The following ARSB variants were observed in gnomAD, a reference collection of about 807,000 sequenced individuals.
ARSB encodes the protein arylsulfatase B.
Under a neutral mutation model 50.9 loss-of-function variants are expected in ARSB, and 41 were observed. The ratio of observed to expected loss-of-function variants is 0.81; its 90% CI spans 0.63 to 1.04. The LOEUF is 1.04. Among genes scored for constraint, ARSB ranks in the 50% least tolerant of loss-of-function variants. The probability of loss-of-function intolerance (pLI) is 0.00; values close to 1 mark genes in which losing one functional copy is unlikely to be tolerated. For missense variants in ARSB, 672 were observed against 693.3 expected (o/e 0.97, Z 0.35); for synonymous variants, 269 against 284.8 (o/e 0.94, Z 0.56).
At chr5:78,905,008 T>C (rs938731772) in intron 4 of ARSB, among the ~76,000 whole-genome samples, 1 of 152,208 alleles carries the variant, frequency 6.6e-6, no homozygotes, top group Non-Finnish European at 1.5e-5. Context: ...ATAATTTCTA[T>C]TGATCTATCT....
At chr5:78,880,840 G>A (rs937395112) in intron 5 of ARSB, among the ~76,000 whole-genome samples, 3 of 152,034 alleles carry the variant, frequency 2.0e-5, no homozygotes, top group South Asian at 4.2e-4. Flanking sequence ...AGTTTTCATC[G>A]GTCTTAAAGA....
At position 78,847,034 on chromosome 5, in the gene ARSB, T is replaced by C. The variant is rs1745476913; in HGVS notation, c.1143-7608A>G. 1.3e-5 allele frequency among the ~76,000 whole-genome samples: 2 copies of C among 152,220 alleles called. 1 individual carries two copies. Among genetic ancestry groups the C allele is most frequent in the South Asian group, 4.1e-4 (2 of 4,830 alleles). On this transcript the variant is annotated intron_variant, in intron 5 of 7. Coordinates refer to ENST00000264914, the MANE Select transcript of ARSB (RefSeq NM_000046.5). Reference sequence around the variant, plus strand: ...ATGTGGTTTTTATACTTCATTCTGTTGATGTAATGTGTCATGTTTATGGAT... The same window carrying C: ...ATGTGGTTTTTATACTTCATTCTGTCGATGTAATGTGTCATGTTTATGGAT...
chr5:78,812,752 G>A (rs1426354354), intron 6 of ARSB, among the ~76,000 whole-genome samples: 2 of 152,098 alleles, frequency 1.3e-5, no homozygotes, highest in Non-Finnish European at 2.9e-5. Context: ...CAGCACTTTG[G>A]GAGGCTGAGG....
chr5:78,900,470 A>G (rs561065572), intron 4 of ARSB, among the ~76,000 whole-genome samples: 2 of 152,192 alleles, frequency 1.3e-5, no homozygotes, highest in East Asian at 1.9e-4. Context: ...GAATTGAGGG[A>G]GATTTTCCAC....
At chr5:78,793,606 G>C (rs1344477019) in intron 6 of ARSB, among the ~76,000 whole-genome samples, 1 of 152,194 alleles carries the variant, frequency 6.6e-6, no homozygotes, top group Non-Finnish European at 1.5e-5. Context: ...GCTGAGAAGT[G>C]TCTTGATCCT....
intron 1 of ARSB, among the ~76,000 whole-genome samples, chr5:78,971,105 G>A (rs1330884523): frequency 6.6e-6 from 1 of 152,208 alleles, no homozygotes; most frequent in Non-Finnish European, 1.5e-5. Flanking sequence ...CAAAGGCCCT[G>A]AGACCTGAGC....
chr5:78,832,447 T>C (rs148839048), intron 6 of ARSB, among the ~76,000 whole-genome samples: 157 of 152,290 alleles, frequency 1.0e-3, no homozygotes, highest in African/African-American at 3.5e-3. Context: ...ATCTCGAGTA[T>C]TTATAACAGT....
At chr5:78,867,089 C>G (rs985079276) in intron 5 of ARSB, among the ~76,000 whole-genome samples, 1 of 152,140 alleles carries the variant, frequency 6.6e-6, no homozygotes, top group Non-Finnish European at 1.5e-5. Context: ...CACTCCCACC[C>G]GAATATTGCG....
chr5:78,881,479 G>C (rs966310247), intron 5 of ARSB, among the ~76,000 whole-genome samples: 1 of 151,578 alleles, frequency 6.6e-6, no homozygotes. Context: ...CTGACATAAA[G>C]AAGCAAACAA....
intron 6 of ARSB, among the ~76,000 whole-genome samples, chr5:78,836,592 T>C (rs1357334903): frequency 4.6e-5 from 7 of 152,084 alleles, no homozygotes. Context: ...TTAGGAAAAT[T>C]TTCTATTCTA....
At chr5:78,794,947 G>A (rs1743126331) in intron 6 of ARSB, among the ~76,000 whole-genome samples, 1 of 152,142 alleles carries the variant, frequency 6.6e-6, no homozygotes, top group African/African-American at 2.4e-5. Context: ...AAATGGGCCA[G>A]CTCTCCTACT....
At chr5:78,888,583 C>T (rs1344043934) in intron 4 of ARSB, among the ~76,000 whole-genome samples, 1 of 152,182 alleles carries the variant, frequency 6.6e-6, no homozygotes, top group Admixed American at 6.5e-5. Context: ...TATGTAGTGT[C>T]CTTCAGTTGC....
intron 6 of ARSB, among the ~76,000 whole-genome samples, chr5:78,819,769 G>C (rs950851163): frequency 7.9e-5 from 12 of 152,244 alleles, no homozygotes; most frequent in Non-Finnish European, 1.3e-4. Context: ...CACAGAGGTA[G>C]AGAGGAAAAA....
intron 6 of ARSB, among the ~76,000 whole-genome samples, chr5:78,795,943 T>A (rs1221419260): frequency 2.0e-5 from 3 of 152,228 alleles, no homozygotes; most frequent in Non-Finnish European, 2.9e-5. Flanking sequence ...AGAGTTCAAA[T>A]GTTAATCATT....
rs144874719 is a variant in ARSB at position 78,846,750 on chromosome 5, T to C, written c.1143-7324A>G. On this transcript the variant is annotated intron_variant, in intron 5 of 7. Coordinates refer to ENST00000264914, the MANE Select transcript of ARSB (RefSeq NM_000046.5). ...TTTGGAGGTCCTTTATTTCTTTCTATTGCCTGATTGCTCTGGCTAGGACTT... is the reference window on the plus strand; with the variant it reads ...TTTGGAGGTCCTTTATTTCTTTCTACTGCCTGATTGCTCTGGCTAGGACTT... 3.4e-4 allele frequency among the ~76,000 whole-genome samples: 52 copies of C among 152,316 alleles called. No individual in the cohort carries two copies. The East Asian group carries it at 7.5e-3, about 22-fold the overall frequency.
intron 5 of ARSB, 48 bp downstream of exon 5, chr5:78,885,536 G>T: frequency 3.7e-6 from 6 of 1,605,046 alleles, no homozygotes; most frequent in Non-Finnish European, 5.1e-6. Flanking sequence ...GAGTCAGGCT[G>T]CTCTTGGAGT....
At chr5:78,901,047 G>GGA (rs376134873) in intron 4 of ARSB, among the ~76,000 whole-genome samples, 19 of 115,242 alleles carry the variant, frequency 1.6e-4, no homozygotes, top group Admixed American at 6.5e-4. Flanking sequence ...TCCGTCTCAG[G>GGA]AAAAAAAAAA....
At chr5:78,853,552 C>T (rs1030513530) in intron 5 of ARSB, among the ~76,000 whole-genome samples, 1 of 152,204 alleles carries the variant, frequency 6.6e-6, no homozygotes, top group Non-Finnish European at 1.5e-5. Context: ...CTCAGATCTC[C>T]AGCTGCGTGC....
chr5:78,963,569 TTCCC>T (rs1752087145), intron 3 of ARSB, among the ~76,000 whole-genome samples: 1 of 152,212 alleles, frequency 6.6e-6, no homozygotes. Flanking sequence ...CAAATATTTG[TTCCC>T]ATTTCAAAAG....
Sources: allele counts gnomAD v4.1 joint callset (sites outside exome capture counted in the v4.1 genomes callset), GRCh38; gene constraint gnomAD v4.1.1; transcripts MANE v1.5; gene names NCBI Gene and HGNC (gene_info 2026-07-23, HGNC 2026-07-21).